The following GRIK3 variants were observed in gnomAD, a reference collection of about 807,000 sequenced individuals.
The protein encoded by GRIK3 is glutamate ionotropic receptor kainate type subunit 3.
Under a neutral mutation model 102.5 loss-of-function variants are expected in GRIK3, and 29 were observed. The ratio of observed to expected loss-of-function variants is 0.28; its 90% CI spans 0.21 to 0.39. The LOEUF (loss-of-function observed/expected upper bound fraction) is 0.39. Among genes scored for constraint, GRIK3 ranks in the 10% least tolerant of loss-of-function variants. GRIK3 has a pLI of 1.00. For missense variants in GRIK3, 908 were observed against 1,252.4 expected (o/e 0.73, Z 4.15); for synonymous variants, 511 against 504.9 (o/e 1.01, Z -0.16).
At chr1:36,864,492 T>A (rs777028939) in intron 5 of GRIK3, among the ~76,000 whole-genome samples, 1 of 149,422 alleles carries the variant, frequency 6.7e-6, no homozygotes, top group Non-Finnish European at 1.5e-5. Flanking sequence ...GCCCAGGGCC[T>A]CCATGACTCG....
intron 4 of GRIK3, among the ~76,000 whole-genome samples, chr1:36,871,189 C>T (rs929780046): frequency 2.0e-5 from 3 of 152,128 alleles, no homozygotes; most frequent in Admixed American, 1.3e-4. Flanking sequence ...GGGCACACAA[C>T]GTGAAAGGGC....
chr1:36,963,132 G>A (rs369304961), intron 1 of GRIK3, among the ~76,000 whole-genome samples: 1 of 152,086 alleles, frequency 6.6e-6, no homozygotes, highest in African/African-American at 2.4e-5. Flanking sequence ...CCAGGGGAGG[G>A]GTCGGCTGCA....
At chr1:36,805,952 A>AG in intron 14 of GRIK3, 152 bp downstream of exon 14, 1 of 549,470 alleles carries the variant, frequency 1.8e-6, no homozygotes. Context: ...AAAAAAAAAA[A>AG]AAAAAAAAAG....
intron 1 of GRIK3, among the ~76,000 whole-genome samples, chr1:37,009,796 TA>T (rs1642570248): frequency 2.6e-5 from 4 of 151,964 alleles, no homozygotes; most frequent in African/African-American, 9.7e-5. Flanking sequence ...TGGACTGAAG[TA>T]GGGACTTGGG....
At chr1:36,807,047 C>T (rs1029181660) in intron 13 of GRIK3, among the ~76,000 whole-genome samples, 1 of 152,060 alleles carries the variant, frequency 6.6e-6, no homozygotes, top group Non-Finnish European at 1.5e-5. Context: ...GAGCAGGGTG[C>T]GAATTGCAGA....
chr1:36,975,687 G>A (rs1341261223), intron 1 of GRIK3, among the ~76,000 whole-genome samples: 3 of 152,158 alleles, frequency 2.0e-5, no homozygotes, highest in South Asian at 2.1e-4. Context: ...TTAAACTATC[G>A]GTTTTGGGAA....
At chr1:36,928,013 C>T (rs1007667221) in intron 1 of GRIK3, among the ~76,000 whole-genome samples, 7 of 152,272 alleles carry the variant, frequency 4.6e-5, no homozygotes, top group African/African-American at 1.2e-4. Context: ...CTGGAGCTGC[C>T]GTCACGTGAC....
chr1:36,972,956 T>C (rs139313190), intron 1 of GRIK3, among the ~76,000 whole-genome samples: 4 of 152,236 alleles, frequency 2.6e-5, no homozygotes, highest in East Asian at 3.9e-4. Context: ...CACCATCAGT[T>C]CTGAGCTTGT....
chr1:37,028,226 C>G, intron 1 of GRIK3, among the ~76,000 whole-genome samples: 1 of 152,132 alleles, frequency 6.6e-6, no homozygotes, highest in Non-Finnish European at 1.5e-5. Flanking sequence ...ACACGAGGCC[C>G]TTGGGTTTCC....
At chr1:37,028,931 T>C (rs1446758966) in intron 1 of GRIK3, among the ~76,000 whole-genome samples, 1 of 152,256 alleles carries the variant, frequency 6.6e-6, no homozygotes, top group Admixed American at 6.5e-5. Context: ...CTATGAGTCA[T>C]TGTTTGAAAA....
chr1:36,875,758 CTGTGGACT>C (rs1026460914), intron 3 of GRIK3, among the ~76,000 whole-genome samples: 3 of 152,234 alleles, frequency 2.0e-5, no homozygotes, highest in Non-Finnish European at 2.9e-5. Context: ...ATCACTGACC[CTGTGGACT>C]TGTGAGTTAA....
At chr1:36,964,036 C>T (rs1045628950) in intron 1 of GRIK3, among the ~76,000 whole-genome samples, 4 of 152,200 alleles carry the variant, frequency 2.6e-5, no homozygotes, top group Admixed American at 6.5e-5. Context: ...TCTGTACCAC[C>T]GTGGTCATGA....
At chr1:36,963,527 T>A (rs1353477680) in intron 1 of GRIK3, among the ~76,000 whole-genome samples, 3 of 152,208 alleles carry the variant, frequency 2.0e-5, no homozygotes, top group African/African-American at 7.2e-5. Flanking sequence ...ACAACCACTC[T>A]GAGCCGCATG....
intron 1 of GRIK3, among the ~76,000 whole-genome samples, chr1:36,999,312 G>C (rs968034367): frequency 6.6e-6 from 1 of 152,064 alleles, no homozygotes; most frequent in African/African-American, 2.4e-5. Flanking sequence ...GCAGGTAGAG[G>C]AGCAGAGAAT....
At chr1:36,954,434 G>C (rs533872) in intron 1 of GRIK3, among the ~76,000 whole-genome samples, 1 of 152,206 alleles carries the variant, frequency 6.6e-6, no homozygotes, top group Non-Finnish European at 1.5e-5. Context: ...GGTCATCTGC[G>C]GGAGAAGTGA....
At chr1:36,996,996 A>C (rs1473923806) in intron 1 of GRIK3, among the ~76,000 whole-genome samples, 1 of 152,240 alleles carries the variant, frequency 6.6e-6, no homozygotes, top group Non-Finnish European at 1.5e-5. Context: ...CCCACAACAA[A>C]GAATTATACC....
chr1:36,978,494 A>G (rs1642217408), intron 1 of GRIK3, among the ~76,000 whole-genome samples: 1 of 152,262 alleles, frequency 6.6e-6, no homozygotes, highest in African/African-American at 2.4e-5. Flanking sequence ...CACAAAATTC[A>G]GTGGCTTAAA....
At chr1:37,028,639 G>A (rs1440999640) in intron 1 of GRIK3, among the ~76,000 whole-genome samples, 1 of 152,158 alleles carries the variant, frequency 6.6e-6, no homozygotes, top group Non-Finnish European at 1.5e-5. Context: ...CAACCAGAAT[G>A]GGGAGTGGGG....
chr1:36,951,211 T>C (rs1161530460), intron 1 of GRIK3, among the ~76,000 whole-genome samples: 1 of 152,204 alleles, frequency 6.6e-6, no homozygotes, highest in East Asian at 1.9e-4. Context: ...TCAGGACATG[T>C]GAGCAGAGAC....
Sources: allele counts gnomAD v4.1 joint callset (sites outside exome capture counted in the v4.1 genomes callset), GRCh38; gene constraint gnomAD v4.1.1; transcripts MANE v1.5; gene names NCBI Gene and HGNC (gene_info 2026-07-23, HGNC 2026-07-21).